The following RBMS3 variants were observed in gnomAD, a reference collection of about 807,000 sequenced individuals.
The protein encoded by RBMS3 is RNA-binding motif, single-stranded-interacting protein 3.
Under a neutral mutation model 66.8 loss-of-function variants are expected in RBMS3, and 27 were observed. The ratio of observed to expected loss-of-function variants is 0.40; its 90% CI spans 0.30 to 0.56. The LOEUF (loss-of-function observed/expected upper bound fraction) is 0.56. Ranked by LOEUF, RBMS3 falls within the 20% of genes least tolerant of loss-of-function variation. The pLI, the probability that RBMS3 is intolerant of heterozygous loss-of-function variation, is 0.40. For synonymous variants in RBMS3, 188 were observed against 183.0 expected, an observed-to-expected ratio of 1.03 and a Z score of -0.22; for missense variants, 513 against 549.5, an observed-to-expected ratio of 0.93 and a Z score of 0.66.
chr3:29,563,297 T>C (rs2046621152), intron 3 of RBMS3, among the ~76,000 whole-genome samples: 1 of 152,214 alleles, frequency 6.6e-6, no homozygotes, highest in East Asian at 1.9e-4. Context: ...GAAAGACACA[T>C]ATTAACGGAC....
chr3:29,901,741 G>A (rs371985248), intron 10 of RBMS3, among the ~76,000 whole-genome samples: 4 of 151,850 alleles, frequency 2.6e-5, no homozygotes, highest in South Asian at 4.1e-4. Context: ...ATTATGCATC[G>A]TGCTTGAGCT....
intron 4 of RBMS3, among the ~76,000 whole-genome samples, chr3:29,664,675 T>A (rs2050684604): frequency 6.7e-6 from 1 of 150,190 alleles, no homozygotes. Flanking sequence ...TAGGCTCAGA[T>A]GATTAAAAAA....
intron 7 of RBMS3, among the ~76,000 whole-genome samples, chr3:29,881,788 A>G (rs17024537): frequency 0.037 from 5,652 of 152,198 alleles, 354 homozygotes; most frequent in African/African-American, 0.13. Flanking sequence ...GGCCAGAACA[A>G]ACAAGCATGG....
At chr3:29,815,022 G>A (rs1188516999) in intron 6 of RBMS3, among the ~76,000 whole-genome samples, 1 of 152,172 alleles carries the variant, frequency 6.6e-6, no homozygotes, top group East Asian at 1.9e-4. Context: ...TCCTGAGGAG[G>A]AGGGGAACAA....
intron 4 of RBMS3, among the ~76,000 whole-genome samples, chr3:29,682,430 G>A (rs894053044): frequency 6.6e-6 from 1 of 152,220 alleles, no homozygotes; most frequent in Admixed American, 6.5e-5. Flanking sequence ...GGGGATGACA[G>A]GCATGAACCA....
intron 1 of RBMS3, among the ~76,000 whole-genome samples, chr3:29,311,853 G>T (rs2034396650): frequency 6.6e-6 from 1 of 151,752 alleles, no homozygotes; most frequent in South Asian, 2.1e-4. Flanking sequence ...ATCAATCAGG[G>T]CCATCCATCA....
At chr3:29,510,318 G>A (rs1014513861) in intron 3 of RBMS3, among the ~76,000 whole-genome samples, 6 of 151,784 alleles carry the variant, frequency 4.0e-5, no homozygotes, top group East Asian at 1.9e-4. Context: ...CTCTCCCAAC[G>A]CGCTATACTT....
At chr3:29,670,130 T>C (rs1424914764) in intron 4 of RBMS3, among the ~76,000 whole-genome samples, 1 of 152,214 alleles carries the variant, frequency 6.6e-6, no homozygotes, top group Non-Finnish European at 1.5e-5. Flanking sequence ...ATGTTTAACA[T>C]ATTCCTACCT....
chr3:29,803,371 A>G (rs1228098066), intron 6 of RBMS3, among the ~76,000 whole-genome samples: 1 of 152,162 alleles, frequency 6.6e-6, no homozygotes, highest in Non-Finnish European at 1.5e-5. Context: ...CAAAGTACTG[A>G]ATAAATATAA....
chr3:29,452,926 A>T (rs919966798), intron 2 of RBMS3, among the ~76,000 whole-genome samples: 4 of 152,204 alleles, frequency 2.6e-5, no homozygotes, highest in African/African-American at 9.7e-5. Flanking sequence ...TACATTTTTC[A>T]GGGTCAAGTT....
chr3:29,708,751 A>G (rs566277079), intron 4 of RBMS3, among the ~76,000 whole-genome samples: 8 of 152,152 alleles, frequency 5.3e-5, no homozygotes, highest in Non-Finnish European at 8.8e-5. Context: ...ATCTATTAGG[A>G]ATCATCATAA....
chr3:29,875,607 T>C (rs1396229420), intron 7 of RBMS3, among the ~76,000 whole-genome samples: 1 of 152,084 alleles, frequency 6.6e-6, no homozygotes, highest in Admixed American at 6.6e-5. Context: ...GCCATTTAAA[T>C]TGAGATAAAA....
At chr3:29,501,221 A>G (rs941237730) in intron 3 of RBMS3, among the ~76,000 whole-genome samples, 1 of 152,186 alleles carries the variant, frequency 6.6e-6, no homozygotes, top group Non-Finnish European at 1.5e-5. Context: ...AAAGTTTAAC[A>G]CGTCCACTTT....
chr3:29,920,504 T>A (rs984495966), intron 10 of RBMS3, among the ~76,000 whole-genome samples: 8 of 152,210 alleles, frequency 5.3e-5, no homozygotes, highest in African/African-American at 1.9e-4. Context: ...CAAAAAACAA[T>A]GTCCTAAATA....
At chr3:29,613,243 T>C (rs1196614721) in intron 4 of RBMS3, among the ~76,000 whole-genome samples, 2 of 152,044 alleles carry the variant, frequency 1.3e-5, no homozygotes, top group Non-Finnish European at 2.9e-5. Context: ...CTGTTTTTAA[T>C]TTTTTGAGGA....
At chr3:29,911,140 G>A (rs945110335) in intron 10 of RBMS3, among the ~76,000 whole-genome samples, 1 of 152,042 alleles carries the variant, frequency 6.6e-6, no homozygotes, top group Non-Finnish European at 1.5e-5. Context: ...TCACAGAGGA[G>A]GTAACTCCTG....
intron 6 of RBMS3, among the ~76,000 whole-genome samples, chr3:29,813,744 T>A (rs1404964740): frequency 2.0e-5 from 3 of 152,170 alleles, no homozygotes; most frequent in Non-Finnish European, 2.9e-5. Context: ...TTGAAGCAAT[T>A]GTGAATGGGA....
At chr3:29,521,473 A>G (rs2044854283) in intron 3 of RBMS3, among the ~76,000 whole-genome samples, 1 of 152,244 alleles carries the variant, frequency 6.6e-6, no homozygotes. Flanking sequence ...GGAATACAGC[A>G]GTAATCCTAT....
chr3:29,535,710 CTTTT>C (rs149022808), intron 3 of RBMS3, among the ~76,000 whole-genome samples: 62 of 39,728 alleles, frequency 1.6e-3, no homozygotes, highest in African/African-American at 5.3e-3. Flanking sequence ...GATCATTGCT[CTTTT>C]TTTTTTTTTT....
Sources: allele counts gnomAD v4.1 joint callset (sites outside exome capture counted in the v4.1 genomes callset), GRCh38; gene constraint gnomAD v4.1.1; transcripts MANE v1.5; gene names NCBI Gene and HGNC (gene_info 2026-07-23, HGNC 2026-07-21).